Variants in KHDRBS2 observed in about 807,000 individuals in gnomAD.
KHDRBS2 encodes KH RNA binding domain containing, signal transduction associated 2, also known as KH domain-containing, RNA-binding, signal transduction-associated protein 2.
Under a neutral mutation model 44.3 loss-of-function variants are expected in KHDRBS2, and 26 were observed. The observed-to-expected ratio is 0.59, with a 90% CI of 0.43 to 0.81. The LOEUF (loss-of-function observed/expected upper bound fraction) is 0.81, where lower values mean the gene tolerates loss of function less well. Ranked by LOEUF, KHDRBS2 falls within the 40% of genes least tolerant of loss-of-function variation. The pLI, the probability that KHDRBS2 is intolerant of heterozygous loss-of-function variation, is 0.00. For synonymous variants in KHDRBS2, 194 were observed against 151.1 expected, an observed-to-expected ratio of 1.28 and a Z score of -2.08; for missense variants, 476 against 433.1, an observed-to-expected ratio of 1.10 and a Z score of -0.88.
At chr6:62,177,661 T>A (rs1821420144) in intron 1 of KHDRBS2, among the ~76,000 whole-genome samples, 1 of 151,458 alleles carries the variant, frequency 6.6e-6, no homozygotes, top group African/African-American at 2.4e-5. Context: ...AACTTAATTT[T>A]TTCCAGGAGC....
the KHDRBS2 span, among the ~76,000 whole-genome samples, chr6:61,669,530 G>A: frequency 1.3e-5 from 2 of 150,712 alleles, no homozygotes; most frequent in South Asian, 4.2e-4. Flanking sequence ...GTGTTTAAAT[G>A]TTAAATATAT....
intron 4 of KHDRBS2, among the ~76,000 whole-genome samples, chr6:61,934,503 A>T (rs1810674581): frequency 6.6e-6 from 1 of 152,332 alleles, no homozygotes; most frequent in African/African-American, 2.4e-5. Flanking sequence ...ACTTATAAAC[A>T]TACCCAATAA....
At chr6:61,673,750 A>C in the KHDRBS2 span, among the ~76,000 whole-genome samples, 1 of 141,356 alleles carries the variant, frequency 7.1e-6, no homozygotes, top group East Asian at 2.0e-4. Flanking sequence ...GAGAACTACA[A>C]ACCACTGCTC....
intron 6 of KHDRBS2, among the ~76,000 whole-genome samples, chr6:61,836,145 C>T (rs1792634590): frequency 6.6e-6 from 1 of 151,944 alleles, no homozygotes; most frequent in African/African-American, 2.4e-5. Context: ...TTTTCACTAT[C>T]TACCACATGG....
intron 1 of KHDRBS2, among the ~76,000 whole-genome samples, chr6:62,201,004 G>A (rs1485130457): frequency 1.3e-5 from 2 of 152,110 alleles, no homozygotes; most frequent in African/African-American, 2.4e-5. Context: ...CAAACACCGC[G>A]TGTTCTCACT....
chr6:61,890,779 C>T (rs1801704055), intron 6 of KHDRBS2, among the ~76,000 whole-genome samples: 1 of 151,072 alleles, frequency 6.6e-6, no homozygotes, highest in African/African-American at 2.4e-5. Context: ...AGGGCTAGTC[C>T]CTGAGTTTTT....
At chr6:61,654,678 C>A in the KHDRBS2 span, among the ~76,000 whole-genome samples, 1 of 151,022 alleles carries the variant, frequency 6.6e-6, no homozygotes, top group African/African-American at 2.4e-5. Context: ...TTACCCATTT[C>A]TTCTCTGAGT....
chr6:61,945,854 T>C (rs1354235717), intron 4 of KHDRBS2, among the ~76,000 whole-genome samples: 1 of 148,132 alleles, frequency 6.8e-6, no homozygotes. Flanking sequence ...TACTTATTCA[T>C]ACAAGAATGA....
the KHDRBS2 span, among the ~76,000 whole-genome samples, chr6:61,604,931 T>C: frequency 4.6e-5 from 7 of 152,128 alleles, no homozygotes; most frequent in Non-Finnish European, 8.8e-5. Flanking sequence ...CTGACCTTTA[T>C]TAGTCAAATC....
chr6:62,255,698 C>A (rs1313601347), intron 1 of KHDRBS2, among the ~76,000 whole-genome samples: 1 of 151,312 alleles, frequency 6.6e-6, no homozygotes, highest in East Asian at 1.9e-4. Context: ...CCTTACCAAA[C>A]CCTTTTGGAA....
At chr6:62,205,434 A>T (rs1414327093) in intron 1 of KHDRBS2, among the ~76,000 whole-genome samples, 1 of 152,116 alleles carries the variant, frequency 6.6e-6, no homozygotes, top group African/African-American at 2.4e-5. Context: ...AATTTATAAG[A>T]TTCAATGACA....
At chr6:61,773,030 C>A (rs1253252593) in intron 6 of KHDRBS2, among the ~76,000 whole-genome samples, 2 of 152,170 alleles carry the variant, frequency 1.3e-5, no homozygotes, top group African/African-American at 4.8e-5. Flanking sequence ...TTTCTTCATC[C>A]AGTCTATCAT....
chr6:61,824,225 A>T (rs1790473466), intron 6 of KHDRBS2, among the ~76,000 whole-genome samples: 1 of 152,048 alleles, frequency 6.6e-6, no homozygotes, highest in South Asian at 2.1e-4. Context: ...TCAAACTGTG[A>T]TCCTGAGTGT....
intron 2 of KHDRBS2, among the ~76,000 whole-genome samples, chr6:62,120,767 A>G (rs534313026): frequency 6.6e-6 from 1 of 152,310 alleles, no homozygotes; most frequent in South Asian, 2.1e-4. Context: ...CAATCAATTT[A>G]GGACTTGAAC....
rs113443447 is a variant in KHDRBS2 at position 62,106,265 on chromosome 6, G to C, written c.220-58271C>G. ...AAAAATGTATATTCTGTTGATTTGG[G>C]GTGGAGAGTTCTGTAGATGTCTATT... is the stretch of plus-strand genomic sequence containing the variant. On this transcript the variant is annotated intron_variant, in intron 2 of 8. Transcript: ENST00000281156. Among the ~76,000 whole-genome samples the C allele has an allele frequency of 8.2e-3, 1,244 of 152,248 alleles. 15 individuals carry two copies. Among genetic ancestry groups the C allele is most frequent in the African/African-American group, 0.029 (1,204 of 41,554 alleles).
chr6:61,697,545 T>G (rs1175559138), intron 7 of KHDRBS2, among the ~76,000 whole-genome samples: 1 of 151,906 alleles, frequency 6.6e-6, no homozygotes, highest in Non-Finnish European at 1.5e-5. Context: ...AAGAAGAGAG[T>G]TATAAAAGGC....
At chr6:61,650,701 C>A in the KHDRBS2 span, among the ~76,000 whole-genome samples, 8 of 151,600 alleles carry the variant, frequency 5.3e-5, no homozygotes, top group Admixed American at 5.3e-4. Context: ...AGAGTTAAAC[C>A]AATTACAATT....
chr6:61,906,004 C>T (rs1313148192), intron 4 of KHDRBS2, among the ~76,000 whole-genome samples: 4 of 151,822 alleles, frequency 2.6e-5, no homozygotes, highest in East Asian at 1.9e-4. Context: ...CCCACCACCA[C>T]GCCTGGGTAA....
intron 2 of KHDRBS2, among the ~76,000 whole-genome samples, chr6:62,077,584 G>T (rs1796594238): frequency 6.6e-6 from 1 of 152,006 alleles, no homozygotes; most frequent in Non-Finnish European, 1.5e-5. Context: ...CTTCTTGTCA[G>T]TGAGACAGTT....
Sources: allele counts gnomAD v4.1 joint callset (sites outside exome capture counted in the v4.1 genomes callset), GRCh38; gene constraint gnomAD v4.1.1; transcripts MANE v1.5; gene names NCBI Gene and HGNC (gene_info 2026-07-23, HGNC 2026-07-21).